The following MDGA1 variants were observed in gnomAD, a reference collection of about 807,000 sequenced individuals.
MDGA1 encodes the protein MAM domain-containing glycosylphosphatidylinositol anchor protein 1.
A neutral mutation model predicts 101.5 loss-of-function variants in MDGA1; 54 were observed. The observed-to-expected ratio is 0.53, with a 90% CI of 0.43 to 0.67. The LOEUF (loss-of-function observed/expected upper bound fraction) is 0.67. Among genes scored for constraint, MDGA1 ranks in the 30% least tolerant of loss-of-function variants. The pLI is 0.00. For missense variants in MDGA1, 1,083 were observed against 1,323.8 expected (o/e 0.82, Z 2.82); for synonymous variants, 533 against 558.3 (o/e 0.95, Z 0.64).
At chr6:37,662,895 C>G (rs956318793) in intron 2 of MDGA1, among the ~76,000 whole-genome samples, 4 of 152,016 alleles carry the variant, frequency 2.6e-5, no homozygotes, top group Non-Finnish European at 4.4e-5. Context: ...TAGGGAGGAC[C>G]CTCCATCCTT....
intron 1 of MDGA1, among the ~76,000 whole-genome samples, chr6:37,680,695 A>G (rs1442372412): frequency 6.6e-6 from 1 of 152,142 alleles, no homozygotes; most frequent in Non-Finnish European, 1.5e-5. Flanking sequence ...GGCTCTCCAC[A>G]CTGCACCAGC....
At chr6:37,688,105 G>C (rs944963468) in intron 1 of MDGA1, among the ~76,000 whole-genome samples, 12 of 152,202 alleles carry the variant, frequency 7.9e-5, no homozygotes, top group African/African-American at 2.7e-4. Context: ...TTGAAACTAA[G>C]CTTGGGCAGT....
rs1761327460 is a variant in MDGA1, at chr6:37,650,251, C to A, written c.1467G>T (p.Leu489=). ...DKEAALLPSG[L]PLEETPDGKL... The stretch of plus-strand genomic sequence containing the variant: ...TCCCGTCCGGAGTCTCCTCCAGGGG[C>A]AGCCCCGAGGGCAGCAGTGCAGCCT... Residue 489 remains leucine (L), a synonymous_variant, in exon 8 of 17, where the codon CTG becomes CTT. Coordinates refer to ENST00000434837, the MANE Select transcript of MDGA1 (RefSeq NM_153487.4). The A allele has an allele frequency of 6.2e-7, 1 of 1,610,102 alleles. No homozygotes were observed. Among genetic ancestry groups the A allele is most frequent in the Admixed American group, 1.7e-5 (1 of 59,764 alleles).
intron 1 of MDGA1, among the ~76,000 whole-genome samples, chr6:37,675,646 A>G (rs6932276): frequency 0.35 from 52,858 of 152,022 alleles, 11,349 homozygotes; most frequent in African/African-American, 0.61. Flanking sequence ...GGAAAAGAGA[A>G]GCTTCCACCC....
At chr6:37,650,432 G>C in intron 7 of MDGA1, 27 bp from the exon 8 acceptor site, 1 of 1,498,386 alleles carries the variant, frequency 6.7e-7, no homozygotes, top group Non-Finnish European at 8.9e-7. Flanking sequence ...GATCAGCGGA[G>C]AGGTAGGAGC....
chr6:37,652,256 G>A lies in MDGA1; in HGVS notation c.1067C>T (p.Ser356Leu). The change falls in exon 7 of 17, where the codon TCG (serine) becomes TTG (leucine). Residue 356 changes from serine to leucine, a missense_variant. By Grantham distance (145) the Ser-to-Leu change is moderately radical. Transcript: ENST00000434837. This position sits in a 1 kb window ranked among gnomAD's most constrained non-coding sequence, Gnocchi z 4.3. ...CTGGGGCACTGCATCCACGTGGCAC[G>A]ATAGCTTCAGGTCCTGGCCCAGCTG... is the stretch of plus-strand genomic sequence containing the variant. ...NIQLGQDLKL[S>L]CHVDAVPQEK... The A allele has an allele frequency of 1.9e-6, 3 of 1,614,040 alleles. No individual in the cohort carries two copies. The highest frequency in any genetic ancestry group is 2.2e-5 in the East Asian group (1 of 44,888).
rs773002700 is a variant in MDGA1, at chr6:37,696,665, C to G, written c.67+80G>C. ...GTCCGAGTCGAGGTCTCCACCAAAC[C>G]CCGGCAGCGCGCACTTTGCGCCTCT... On this transcript the variant is annotated intron_variant, in intron 1 of 16. Coordinates refer to ENST00000434837, the MANE Select transcript of MDGA1 (RefSeq NM_153487.4). The surrounding 1 kb of genome is among the most constrained non-coding windows in gnomAD (Gnocchi z 5.6). 1 of 1,398,394 alleles carries G rather than the reference C, an allele frequency of 7.2e-7. No homozygotes were observed. Among genetic ancestry groups the G allele is most frequent in the Non-Finnish European group, 9.9e-7 (1 of 1,008,102 alleles). 86.6% of individuals were successfully genotyped at this position (1,398,394 alleles called of 1,614,324 possible).
At chr6:37,684,252 A>G (rs1330913327) in intron 1 of MDGA1, among the ~76,000 whole-genome samples, 1 of 152,214 alleles carries the variant, frequency 6.6e-6, no homozygotes, top group African/African-American at 2.4e-5. Context: ...GGAGACTGGC[A>G]GCAACCTCCA....
At chr6:37,692,620 C>A (rs1463681788) in intron 1 of MDGA1, among the ~76,000 whole-genome samples, 1 of 152,090 alleles carries the variant, frequency 6.6e-6, no homozygotes, top group Non-Finnish European at 1.5e-5. Context: ...CTGCATCATT[C>A]ATTTGCCGGG....
rs1470295468 is a variant in MDGA1, at chr6:37,664,090, C to T, written c.84G>A (p.Gln28=). Residue 28 remains glutamine (Q), a synonymous_variant, in exon 2 of 17, where the codon CAG becomes CAA. Transcript: ENST00000434837. ...GQGVYAPAQA[Q]IVHAGQACVV... is the part of the protein sequence containing the mutation. ...CACATGCCTGGCCCGCATGCACGAT[C>T]TGCGCCTGGGCTGGAGCTGGCAGGA... is the stretch of plus-strand genomic sequence containing the variant. The T allele has an allele frequency of 6.2e-7, 1 of 1,613,922 alleles. No individual in the cohort carries two copies. The highest frequency in any genetic ancestry group is 8.5e-7 in the Non-Finnish European group (1 of 1,179,878).
At chr6:37,678,305 G>A (rs576320313) in intron 1 of MDGA1, among the ~76,000 whole-genome samples, 14 of 152,148 alleles carry the variant, frequency 9.2e-5, no homozygotes, top group African/African-American at 2.7e-4. Flanking sequence ...AAGCTCTGTC[G>A]GCTTGACCTT....
intron 2 of MDGA1, among the ~76,000 whole-genome samples, chr6:37,658,902 C>T (rs931397848): frequency 1.6e-5 from 2 of 128,772 alleles, no homozygotes; most frequent in Non-Finnish European, 3.1e-5. Flanking sequence ...ACCCGGGAGG[C>T]GGGGGTTGCA....
chr6:37,664,026 T>G lies in MDGA1; in HGVS notation c.148A>C (p.Ile50Leu), dbSNP rs748945211. ...EDNISERVYT[I>L]REGDTLMLQC... The stretch of plus-strand genomic sequence containing the variant: ...AGCATGAGGGTGTCCCCCTCCCGGA[T>G]GGTGTAGACACGCTCGCTGATATTG... Residue 50 changes from isoleucine (I) to leucine (L), a missense_variant, in exon 2 of 17, where the codon ATC becomes CTC. Coordinates refer to ENST00000434837, the MANE Select transcript of MDGA1 (RefSeq NM_153487.4). 3 of 1,613,816 alleles carry G rather than the reference T, an allele frequency of 1.9e-6. No individual in the cohort carries two copies. The highest frequency in any genetic ancestry group is 2.5e-6 in the Non-Finnish European group (3 of 1,179,852).
At chr6:37,677,085 C>T (rs114927778) in intron 1 of MDGA1, among the ~76,000 whole-genome samples, 295 of 152,288 alleles carry the variant, frequency 1.9e-3, no homozygotes, top group African/African-American at 6.8e-3. Flanking sequence ...CTGTAAAGTT[C>T]TGCATAGAGC....
chr6:37,654,577 G>A (rs1761439876), intron 5 of MDGA1, 34 bp from the exon 6 acceptor site: 4 of 1,613,850 alleles, frequency 2.5e-6, no homozygotes, highest in Non-Finnish European at 3.4e-6. Flanking sequence ...TTAGGGGACT[G>A]TGAGGCAGGG....
At chr6:37,677,862 T>C (rs958069544) in intron 1 of MDGA1, among the ~76,000 whole-genome samples, 2 of 152,136 alleles carry the variant, frequency 1.3e-5, no homozygotes, top group African/African-American at 4.8e-5. Context: ...CGACCTCGGG[T>C]CACTGTGGGT....
intron 14 of MDGA1, among the ~76,000 whole-genome samples, chr6:37,640,478 G>C (rs138448586): frequency 1.3e-5 from 2 of 151,944 alleles, no homozygotes; most frequent in East Asian, 3.9e-4. Flanking sequence ...AGCTAGGACC[G>C]TAGGCACGCA....
At chr6:37,685,692 A>C (rs985798809) in intron 1 of MDGA1, among the ~76,000 whole-genome samples, 7 of 152,130 alleles carry the variant, frequency 4.6e-5, no homozygotes, top group Admixed American at 3.9e-4. Context: ...CAACAATCCC[A>C]GGGACATGTG....
At position 37,658,433 on chromosome 6, in the gene MDGA1, C is replaced by G. The variant is rs773734539; in HGVS notation, c.208-14G>C. 5 of 1,596,484 alleles carry G rather than the reference C, an allele frequency of 3.1e-6. No individual in the cohort carries two copies. The highest frequency in any genetic ancestry group is 3.4e-5 in the Admixed American group (2 of 59,142). On this transcript the variant is annotated splice_polypyrimidine_tract_variant and intron_variant, in intron 2 of 16. Coordinates refer to ENST00000434837, the MANE Select transcript of MDGA1 (RefSeq NM_153487.4). ...GGTCCACCGTACCTGGGCCGCCAGG[C>G]GGGGCAGAGTCAGACTGTCAGACTC...
Sources: allele counts gnomAD v4.1 joint callset (sites outside exome capture counted in the v4.1 genomes callset), GRCh38; gene constraint gnomAD v4.1.1; non-coding constraint Gnocchi (gnomAD v3.1); transcripts MANE v1.5; gene names NCBI Gene and HGNC (gene_info 2026-07-23, HGNC 2026-07-21).